DAB1: variants seen among roughly 807,000 people sequenced by gnomAD.
DAB1 encodes disabled homolog 1.
DAB1 carries 15 observed loss-of-function variants against 64.6 expected under a neutral mutation model. The observed-to-expected ratio is 0.23, with a 90% CI of 0.16 to 0.36. The LOEUF (loss-of-function observed/expected upper bound fraction) is 0.36, where lower values mean the gene tolerates loss of function less well. Ranked by LOEUF, DAB1 falls within the 10% of genes least tolerant of loss-of-function variation. The pLI, the probability that DAB1 is intolerant of heterozygous loss-of-function variation, is 1.00. For synonymous variants in DAB1, 235 were observed against 251.9 expected, an observed-to-expected ratio of 0.93 and a Z score of 0.64; for missense variants, 596 against 706.7, an observed-to-expected ratio of 0.84 and a Z score of 1.78.
intron 3 of DAB1, among the ~76,000 whole-genome samples, chr1:58,496,946 C>G (rs903544347): frequency 2.0e-5 from 3 of 152,108 alleles, no homozygotes; most frequent in Admixed American, 2.0e-4. Context: ...AGGAAGAAAA[C>G]CACCTTTGCA....
chr1:58,072,063 A>G (rs1649297407), intron 5 of DAB1, among the ~76,000 whole-genome samples: 1 of 105,222 alleles, frequency 9.5e-6, no homozygotes. Context: ...AGGATAGGGG[A>G]TAGCAAACAT....
At chr1:58,447,860 A>C (rs1338692787) in intron 3 of DAB1, among the ~76,000 whole-genome samples, 3 of 151,092 alleles carry the variant, frequency 2.0e-5, no homozygotes, top group Non-Finnish European at 2.9e-5. Flanking sequence ...ACTTAAACAA[A>C]AAAAAAAAAA....
chr1:57,641,378 G>GTTTTTTTTTTTTTTTTTTTTTTTTT lies in DAB1; in HGVS notation n.625+8213_625+8214insAAAAAAAAAAAAAAAAAAAAAAAAA, dbSNP rs1491296848. Reference sequence around the variant, plus strand: ...TGCCCAGTTCCCTCTTTTTTTTGTTGGTTTTTTTTTTTTTTTTTTTTTTGA... The same window carrying GTTTTTTTTTTTTTTTTTTTTTTTTT: ...TGCCCAGTTCCCTCTTTTTTTTGTTGTTTTTTTTTTTTTTTTTTTTTTTTTGTTTTTTTTTTTTTTTTTTTTTTGA... On this transcript the variant is annotated intron_variant and non_coding_transcript_variant, in intron 7 of 20. Coordinates refer to the DAB1 transcript ENST00000485760. 3.6e-5 allele frequency among the ~76,000 whole-genome samples: 4 copies of GTTTTTTTTTTTTTTTTTTTTTTTTT among 109,804 alleles called. 1 individual carries two copies. Among genetic ancestry groups the GTTTTTTTTTTTTTTTTTTTTTTTTT allele is most frequent in the Non-Finnish European group, 5.5e-5 (3 of 54,196 alleles). 72.0% of individuals were successfully genotyped at this position (109,804 alleles called of 152,430 possible).
At chr1:57,681,288 G>C (rs1274769184) in intron 6 of DAB1, among the ~76,000 whole-genome samples, 1 of 152,092 alleles carries the variant, frequency 6.6e-6, no homozygotes, top group East Asian at 1.9e-4. Context: ...TTCTTATAAG[G>C]AAACCAGTTG....
At chr1:57,138,299 A>G (rs1658300959) in intron 3 of DAB1, among the ~76,000 whole-genome samples, 1 of 152,140 alleles carries the variant, frequency 6.6e-6, no homozygotes, top group South Asian at 2.1e-4. Context: ...AAAATGATGA[A>G]CTGAAAGGTA....
intron 3 of DAB1, among the ~76,000 whole-genome samples, chr1:58,461,764 T>C (rs1470550108): frequency 7.9e-5 from 12 of 152,214 alleles, no homozygotes. Flanking sequence ...GGCTCCTGAT[T>C]TTTTCTGTTT....
chr1:57,479,668 T>C (rs1035832298), intron 7 of DAB1, among the ~76,000 whole-genome samples: 3 of 152,110 alleles, frequency 2.0e-5, no homozygotes. Flanking sequence ...TGAAGGCTAC[T>C]GTATTTACAT....
intron 6 of DAB1, among the ~76,000 whole-genome samples, chr1:57,748,077 G>T (rs992369274): frequency 6.6e-6 from 1 of 152,076 alleles, no homozygotes; most frequent in East Asian, 1.9e-4. Context: ...AATTTACAGA[G>T]ATTTTACTCC....
intron 2 of DAB1, among the ~76,000 whole-genome samples, chr1:57,190,112 CTTG>C (rs1273941977): frequency 1.3e-5 from 2 of 152,146 alleles, no homozygotes; most frequent in South Asian, 4.1e-4. Context: ...ACCTGGAGGG[CTTG>C]TTAAGGAAGA....
At chr1:57,053,688 A>ATATATATATTTTT (rs1447741565) in intron 9 of DAB1, among the ~76,000 whole-genome samples, 2 of 71,398 alleles carry the variant, frequency 2.8e-5, no homozygotes, top group Admixed American at 2.3e-4. Flanking sequence ...ATATATATAT[A>ATATATATATTTTT]TTTTTTTTTT....
intron 4 of DAB1, among the ~76,000 whole-genome samples, chr1:57,110,026 C>A (rs1177225632): frequency 6.6e-6 from 1 of 152,132 alleles, no homozygotes; most frequent in Non-Finnish European, 1.5e-5. Context: ...CTTTGTGACA[C>A]AGGAGACATA....
chr1:58,351,763 G>A (rs771995631), intron 3 of DAB1, among the ~76,000 whole-genome samples: 1 of 150,836 alleles, frequency 6.6e-6, no homozygotes, highest in Admixed American at 6.7e-5. Context: ...CAGGATTCCT[G>A]TAAGGTTAAA....
At chr1:57,894,208 T>C (rs1644359434) in intron 5 of DAB1, among the ~76,000 whole-genome samples, 1 of 152,162 alleles carries the variant, frequency 6.6e-6, no homozygotes, top group African/African-American at 2.4e-5. Flanking sequence ...TTCCTTCCTT[T>C]TGTTCTTGCT....
At chr1:58,255,856 C>T (rs1660916707) in intron 4 of DAB1, among the ~76,000 whole-genome samples, 1 of 152,178 alleles carries the variant, frequency 6.6e-6, no homozygotes, top group African/African-American at 2.4e-5. Context: ...TTAATTTTCA[C>T]AATAAGCCTG....
At position 58,418,958 on chromosome 1, in the gene DAB1, T is replaced by C. The variant is rs985701533; in HGVS notation, n.258-75555A>G. Among the ~76,000 whole-genome samples, 5 of 152,168 alleles carry C rather than the reference T, an allele frequency of 3.3e-5. No homozygotes were observed. In the East Asian group the frequency reaches 9.6e-4, roughly 29 times the overall value. ...ATTCTTTGTGATCATTCTTTGAAAA[T>C]TGCAGTATATTATGGAGATAGATGT... is the stretch of plus-strand genomic sequence containing the variant. On this transcript the variant is annotated intron_variant and non_coding_transcript_variant, in intron 3 of 20. Coordinates refer to the DAB1 transcript ENST00000485760.
At chr1:57,337,679 C>T (rs1677193135) in intron 1 of DAB1, among the ~76,000 whole-genome samples, 1 of 152,116 alleles carries the variant, frequency 6.6e-6, no homozygotes. Context: ...AGAAGAGCGG[C>T]GCCTGGTGAG....
At chr1:58,276,298 TTTATG>T (rs759121737) in intron 4 of DAB1, among the ~76,000 whole-genome samples, 141 of 152,146 alleles carry the variant, frequency 9.3e-4, no homozygotes, top group Non-Finnish European at 1.6e-3. Context: ...AATTATAAAT[TTTATG>T]TTATGTGTAT....
At chr1:57,732,618 C>T (rs550176389) in intron 6 of DAB1, among the ~76,000 whole-genome samples, 2 of 152,308 alleles carry the variant, frequency 1.3e-5, no homozygotes, top group Non-Finnish European at 2.9e-5. Context: ...CAGTTGCTGG[C>T]TTTAAAAATC....
At chr1:57,137,456 T>C (rs755857763) in intron 3 of DAB1, among the ~76,000 whole-genome samples, 1 of 152,164 alleles carries the variant, frequency 6.6e-6, no homozygotes, top group Admixed American at 6.6e-5. Flanking sequence ...AAAGTTGATA[T>C]GATTCAAGTT....
Sources: gnomAD v4.1 joint callset for allele counts (sites outside exome capture counted in the v4.1 genomes callset) on GRCh38, gnomAD v4.1.1 for gene constraint, MANE v1.5 for transcripts, NCBI Gene and HGNC (gene_info 2026-07-23, HGNC 2026-07-21) for gene names.